Variants in DPP6 observed in about 807,000 individuals in gnomAD.
The protein encoded by DPP6 is A-type potassium channel modulatory protein DPP6.
Under a neutral mutation model 122.6 loss-of-function variants are expected in DPP6, and 69 were observed. The ratio of observed to expected loss-of-function variants is 0.56; its 90% confidence interval spans 0.46 to 0.69. DPP6 has a LOEUF of 0.69. Ranked by LOEUF, DPP6 falls within the 30% of genes least tolerant of loss-of-function variation. DPP6 has a pLI of 0.00. For missense variants in DPP6, 928 were observed against 1,116.9 expected (o/e 0.83, Z 2.41); for synonymous variants, 418 against 433.1 (o/e 0.97, Z 0.43).
At chr7:154,195,229 C>T (rs1401727963) in intron 1 of DPP6, among the ~76,000 whole-genome samples, 2 of 152,162 alleles carry the variant, frequency 1.3e-5, no homozygotes, top group Admixed American at 6.5e-5. Flanking sequence ...CTCGAAAAGA[C>T]GATCCTTCCT....
intron 1 of DPP6, among the ~76,000 whole-genome samples, chr7:154,082,963 C>T (rs1804138031): frequency 6.6e-6 from 1 of 151,504 alleles, no homozygotes; most frequent in South Asian, 2.1e-4. Context: ...ATTCTCCTGC[C>T]TCAGCCTCCC....
At chr7:154,581,641 C>A (rs1389111307) in intron 5 of DPP6, among the ~76,000 whole-genome samples, 2 of 152,234 alleles carry the variant, frequency 1.3e-5, no homozygotes, top group Non-Finnish European at 2.9e-5. Context: ...ACTTCTGGAG[C>A]CTTTCAGGCC....
chr7:154,515,880 A>T (rs1374240159), intron 3 of DPP6, among the ~76,000 whole-genome samples: 1 of 152,202 alleles, frequency 6.6e-6, no homozygotes, highest in Non-Finnish European at 1.5e-5. Context: ...TCACTGCAGG[A>T]ATAGGAAAAA....
intron 1 of DPP6, among the ~76,000 whole-genome samples, chr7:154,161,513 C>CA (rs1183833976): frequency 1.3e-5 from 2 of 148,852 alleles, no homozygotes; most frequent in South Asian, 2.2e-4. Context: ...CAAAACAAAA[C>CA]AAAAAAACAC....
At chr7:154,339,605 T>A (rs1216407477) in intron 1 of DPP6, among the ~76,000 whole-genome samples, 1 of 151,156 alleles carries the variant, frequency 6.6e-6, no homozygotes, top group African/African-American at 2.5e-5. Flanking sequence ...TAATATTCAG[T>A]CCCCATCTAA....
At chr7:154,046,733 G>A (rs1211940051) in intron 1 of DPP6, among the ~76,000 whole-genome samples, 1 of 152,182 alleles carries the variant, frequency 6.6e-6, no homozygotes, top group Non-Finnish European at 1.5e-5. Context: ...GGACCTGGGG[G>A]CCAACTTGCT....
chr7:154,813,505 A>G (rs546050569), intron 16 of DPP6, among the ~76,000 whole-genome samples: 1 of 152,180 alleles, frequency 6.6e-6, no homozygotes, highest in Admixed American at 6.6e-5. Flanking sequence ...TATAGCCACT[A>G]TATCCACTCA....
intron 16 of DPP6, among the ~76,000 whole-genome samples, chr7:154,827,325 C>T (rs1289823639): frequency 1.3e-5 from 2 of 151,974 alleles, no homozygotes; most frequent in Admixed American, 1.3e-4. Flanking sequence ...TCCCCTTTTC[C>T]TCCCTTCCCC....
chr7:154,837,025 C>T (rs1801102531), intron 16 of DPP6, among the ~76,000 whole-genome samples: 1 of 152,194 alleles, frequency 6.6e-6, no homozygotes, highest in African/African-American at 2.4e-5. Context: ...AGTAATGAGT[C>T]CTGGGCTGGT....
At chr7:153,877,321 TTTC>T in the DPP6 span, among the ~76,000 whole-genome samples, 2 of 152,172 alleles carry the variant, frequency 1.3e-5, no homozygotes, top group East Asian at 3.8e-4. Context: ...TATTTTCAAA[TTTC>T]TTATTTCATT....
Position 154,058,449 on chromosome 7 carries a change from G to T in DPP6, c.243+5386G>T, listed in dbSNP as rs1353822046. 5.1e-5 allele frequency: 6 copies of T among 117,610 alleles called. No individual in the cohort carries two copies. The Admixed American group carries it at 5.3e-4, about 10-fold the overall frequency. 7.3% of individuals were successfully genotyped at this position (117,610 alleles called of 1,614,324 possible). Reference sequence around the variant, plus strand: ...GGGACTGAGAGCTATCCTCTCTTCCGCACCTGGCTGTTGGTACCCCCATCG... The same window carrying T: ...GGGACTGAGAGCTATCCTCTCTTCCTCACCTGGCTGTTGGTACCCCCATCG... On this transcript the variant is annotated intron_variant, in intron 1 of 25. Transcript: ENST00000377770.
chr7:154,010,505 C>G (rs563198189), intron 1 of DPP6, among the ~76,000 whole-genome samples: 3 of 152,216 alleles, frequency 2.0e-5, no homozygotes, highest in African/African-American at 7.2e-5. Context: ...AATGCTTTCT[C>G]ATGAATTAAT....
intron 3 of DPP6, among the ~76,000 whole-genome samples, chr7:154,539,642 A>C (rs1828555602): frequency 6.9e-6 from 1 of 144,900 alleles, no homozygotes; most frequent in Non-Finnish European, 1.5e-5. Context: ...ACAAAAAAGA[A>C]AAAAAAAAGG....
chr7:154,335,729 G>C (rs1409615623), intron 1 of DPP6, among the ~76,000 whole-genome samples: 1 of 152,142 alleles, frequency 6.6e-6, no homozygotes, highest in African/African-American at 2.4e-5. Flanking sequence ...CTGATGCGCT[G>C]TGTTCTAATG....
At chr7:154,304,926 C>T (rs932562755) in intron 1 of DPP6, among the ~76,000 whole-genome samples, 1 of 152,160 alleles carries the variant, frequency 6.6e-6, no homozygotes, top group African/African-American at 2.4e-5. Flanking sequence ...TTCAGACACC[C>T]GGGCGCGGCG....
intron 1 of DPP6, among the ~76,000 whole-genome samples, chr7:154,317,552 A>G (rs1400569027): frequency 1.3e-5 from 2 of 152,186 alleles, no homozygotes; most frequent in East Asian, 3.8e-4. Context: ...CTATAGTGAT[A>G]CTATTGGGAA....
intron 1 of DPP6, among the ~76,000 whole-genome samples, chr7:154,371,628 G>T (rs1385717617): frequency 6.6e-6 from 1 of 152,004 alleles, no homozygotes; most frequent in Non-Finnish European, 1.5e-5. Context: ...ACACGTCTGT[G>T]TGCCGTGGGA....
At chr7:154,258,730 A>G (rs781254890) in intron 1 of DPP6, among the ~76,000 whole-genome samples, 18 of 152,174 alleles carry the variant, frequency 1.2e-4, no homozygotes, top group Non-Finnish European at 2.4e-4. Context: ...CTGCTCTAAG[A>G]AAACGTGTAT....
At chr7:154,428,873 G>T (rs1363056228) in intron 1 of DPP6, among the ~76,000 whole-genome samples, 1 of 152,054 alleles carries the variant, frequency 6.6e-6, no homozygotes, top group East Asian at 1.9e-4. Flanking sequence ...GGGTATGAGG[G>T]ATAAAAAGAC....
Sources: gnomAD v4.1 joint callset for allele counts (sites outside exome capture counted in the v4.1 genomes callset) on GRCh38, gnomAD v4.1.1 for gene constraint, MANE v1.5 for transcripts, NCBI Gene and HGNC (gene_info 2026-07-23, HGNC 2026-07-21) for gene names.